DRC8: variants seen among roughly 807,000 people sequenced by gnomAD.
DRC8 encodes the protein dynein regulatory complex subunit 8.
the DRC8 span, among the ~76,000 whole-genome samples, chr1:245,099,176 C>A: frequency 2.0e-5 from 3 of 152,118 alleles, no homozygotes; most frequent in African/African-American, 7.2e-5. Context: ...AAACTGGCTC[C>A]GTCACCTACA....
At chr1:245,027,275 T>C in the DRC8 span, among the ~76,000 whole-genome samples, 2 of 22,312 alleles carry the variant, frequency 9.0e-5, no homozygotes, top group South Asian at 6.8e-3. Context: ...AGACTACTAT[T>C]ATTCTAGAGC....
At chr1:244,989,507 G>A in the DRC8 span, among the ~76,000 whole-genome samples, 1 of 152,156 alleles carries the variant, frequency 6.6e-6, no homozygotes, top group Non-Finnish European at 1.5e-5. Flanking sequence ...TTAGGAGGGA[G>A]ACCACAGAGT....
At chr1:245,013,452 G>A in the DRC8 span, among the ~76,000 whole-genome samples, 2 of 152,264 alleles carry the variant, frequency 1.3e-5, no homozygotes, top group South Asian at 2.1e-4. Flanking sequence ...TAAGAACCTT[G>A]CTAGTTCAAC....
chr1:245,118,957 T>C, the DRC8 span, among the ~76,000 whole-genome samples: 3 of 152,106 alleles, frequency 2.0e-5, no homozygotes, highest in African/African-American at 7.2e-5. Context: ...AGGGGAGGGA[T>C]TGACTCATTC....
At chr1:245,068,562 C>T in the DRC8 span, among the ~76,000 whole-genome samples, 2 of 151,916 alleles carry the variant, frequency 1.3e-5, no homozygotes, top group African/African-American at 4.8e-5. Flanking sequence ...TCATCTCAGC[C>T]TTCCAAATAG....
the DRC8 span, among the ~76,000 whole-genome samples, chr1:244,994,370 T>A: frequency 2.0e-5 from 3 of 152,218 alleles, no homozygotes; most frequent in East Asian, 5.8e-4. Context: ...CAAATTTGTT[T>A]GAGATAAGCT....
the DRC8 span, among the ~76,000 whole-genome samples, chr1:244,996,460 A>G: frequency 3.3e-5 from 5 of 152,202 alleles, no homozygotes; most frequent in African/African-American, 9.7e-5. Flanking sequence ...GGAGGCAGGA[A>G]TCACTGGAAG....
the DRC8 span, among the ~76,000 whole-genome samples, chr1:245,025,503 A>G: frequency 6.6e-6 from 1 of 152,294 alleles, no homozygotes; most frequent in Non-Finnish European, 1.5e-5. Context: ...ATTCTAATCA[A>G]TTTCAGAACA....
At chr1:244,995,120 T>C in the DRC8 span, among the ~76,000 whole-genome samples, 4 of 152,164 alleles carry the variant, frequency 2.6e-5, no homozygotes, top group East Asian at 7.8e-4. Flanking sequence ...CCCCACACTT[T>C]GGGAGGCCAA....
the DRC8 span, among the ~76,000 whole-genome samples, chr1:245,056,889 A>G: frequency 7.2e-6 from 1 of 139,338 alleles, no homozygotes; most frequent in Admixed American, 8.2e-5. Flanking sequence ...GTGAGCCGAG[A>G]TTGTGCCACT....
At chr1:245,073,860 C>T in the DRC8 span, among the ~76,000 whole-genome samples, 1 of 152,146 alleles carries the variant, frequency 6.6e-6, no homozygotes, top group Non-Finnish European at 1.5e-5. Context: ...TTGTGCTCGT[C>T]TCTATTTTTC....
the DRC8 span, chr1:245,059,312 C>G: frequency 9.8e-7 from 1 of 1,018,540 alleles, no homozygotes; most frequent in East Asian, 2.5e-5. Context: ...AAAATATGCT[C>G]TGAGATAATT....
chr1:245,098,934 TG>T, the DRC8 span, among the ~76,000 whole-genome samples: 2 of 152,224 alleles, frequency 1.3e-5, no homozygotes, highest in Non-Finnish European at 2.9e-5. Flanking sequence ...GCAGAGGCAC[TG>T]GGGTTCTTAA....
the DRC8 span, among the ~76,000 whole-genome samples, chr1:245,075,357 C>T: frequency 6.6e-6 from 1 of 152,266 alleles, no homozygotes; most frequent in South Asian, 2.1e-4. Context: ...GTGAGAAGCA[C>T]AGTATTTGCC....
the DRC8 span, among the ~76,000 whole-genome samples, chr1:244,979,191 G>A: frequency 6.6e-6 from 1 of 151,632 alleles, no homozygotes; most frequent in South Asian, 2.1e-4. Flanking sequence ...CAAAAGGATA[G>A]GGGTCATGCT....
At chr1:245,035,663 T>C in the DRC8 span, among the ~76,000 whole-genome samples, 2 of 132,088 alleles carry the variant, frequency 1.5e-5, no homozygotes, top group African/African-American at 2.7e-5. Context: ...GGTCAGGAGT[T>C]CAAGACCAGC....
the DRC8 span, among the ~76,000 whole-genome samples, chr1:245,111,184 T>C: frequency 6.6e-6 from 1 of 152,122 alleles, no homozygotes; most frequent in Non-Finnish European, 1.5e-5. Flanking sequence ...AGCAAAGATA[T>C]CTTTAAAAGG....
chr1:245,105,063 C>G, the DRC8 span, among the ~76,000 whole-genome samples: 1 of 152,234 alleles, frequency 6.6e-6, no homozygotes, highest in Non-Finnish European at 1.5e-5. Flanking sequence ...TCCCTCTATT[C>G]CCTGTATTTC....
At chr1:245,114,280 T>G in the DRC8 span, among the ~76,000 whole-genome samples, 9 of 151,966 alleles carry the variant, frequency 5.9e-5, no homozygotes, top group Admixed American at 1.3e-4. Flanking sequence ...CTGGCCGATA[T>G]GGTGAAACCC....
Sources: allele counts gnomAD v4.1 joint callset (sites outside exome capture counted in the v4.1 genomes callset), GRCh38; gene constraint gnomAD v4.1.1; transcripts MANE v1.5; gene names NCBI Gene and HGNC (gene_info 2026-07-23, HGNC 2026-07-21).